CRB1: variants seen among roughly 807,000 people sequenced by gnomAD.
The protein encoded by CRB1 is protein crumbs homolog 1.
A neutral mutation model predicts 120.0 loss-of-function variants in CRB1; 83 were observed. The observed-to-expected ratio is 0.69, with a 90% CI of 0.58 to 0.83. CRB1 has a LOEUF of 0.83. CRB1 is among the 40% of genes least tolerant of loss of function. CRB1 has a pLI of 0.00. For missense variants in CRB1, 1,699 were observed against 1,687.6 expected, an observed-to-expected ratio of 1.01 and a Z score of -0.12; for synonymous variants, 625 against 612.5, an observed-to-expected ratio of 1.02 and a Z score of -0.30.
At chr1:197,263,303 T>A (rs532030342), upstream of CRB1, among the ~76,000 whole-genome samples, 4 of 152,342 alleles carry the variant, frequency 2.6e-5, no homozygotes, top group South Asian at 8.3e-4. Flanking sequence ...TTTTGTTACA[T>A]GTTTGTTGGC....
At chr1:197,410,723 A>G (rs537349296) in intron 5 of CRB1, among the ~76,000 whole-genome samples, 31 of 152,348 alleles carry the variant, frequency 2.0e-4, no homozygotes, top group Non-Finnish European at 4.0e-4. Context: ...CATGCGGCAT[A>G]TTCTTTACTT....
At chr1:197,255,943 T>A in the CRB1 span, among the ~76,000 whole-genome samples, 1 of 123,518 alleles carries the variant, frequency 8.1e-6, no homozygotes, top group Admixed American at 9.0e-5. Flanking sequence ...AATTCAAATG[T>A]TCTATAATAA....
At chr1:197,321,687 A>G (rs1571835480) in intron 1 of CRB1, among the ~76,000 whole-genome samples, 1 of 152,204 alleles carries the variant, frequency 6.6e-6, no homozygotes, top group African/African-American at 2.4e-5. Flanking sequence ...AATTGTAAGG[A>G]CAAGTCTTCA....
At chr1:197,231,886 G>A in the CRB1 span, among the ~76,000 whole-genome samples, 1,208 of 152,168 alleles carry the variant, frequency 7.9e-3, 11 homozygotes, top group African/African-American at 0.024. Context: ...ACCCCACCTC[G>A]ACCAAAGATG....
rs190725514 is a variant in CRB1 at position 197,416,675 on chromosome 1, T to G, written c.1172-4325T>G. On this transcript the variant is annotated intron_variant, in intron 5 of 11. Coordinates refer to ENST00000367400, the MANE Select transcript of CRB1 (RefSeq NM_201253.3). ...ATACAGATAACAGACTTTAGGTTTT[T>G]GAAAGGTTTATACTTTTTTATTTTT... 2.3e-3 allele frequency among the ~76,000 whole-genome samples: 356 copies of G among 152,290 alleles called. 2 individuals carry two copies. Among genetic ancestry groups the G allele is most frequent in the African/African-American group, 8.2e-3 (341 of 41,580 alleles).
the CRB1 span, among the ~76,000 whole-genome samples, chr1:197,239,277 T>C: frequency 6.6e-6 from 1 of 152,158 alleles, no homozygotes. Flanking sequence ...GAATATTTTG[T>C]CTAATATTTG....
chr1:197,275,953 A>G (rs527246439), intron 1 of CRB1, among the ~76,000 whole-genome samples: 1 of 151,964 alleles, frequency 6.6e-6, no homozygotes, highest in East Asian at 1.9e-4. Context: ...GAAAGGAAGA[A>G]GGTACTCAGT....
At chr1:197,381,702 T>C (rs1416391802) in intron 5 of CRB1, among the ~76,000 whole-genome samples, 1 of 152,190 alleles carries the variant, frequency 6.6e-6, no homozygotes, top group African/African-American at 2.4e-5. Flanking sequence ...GCATAACTCA[T>C]TGCAATAGTA....
chr1:197,221,072 C>T, the CRB1 span, among the ~76,000 whole-genome samples: 126 of 152,238 alleles, frequency 8.3e-4, 1 homozygote, highest in South Asian at 2.3e-3. Flanking sequence ...TAGTCACAGA[C>T]TACGATACTT....
chr1:197,334,504 C>A (rs1659040312), intron 2 of CRB1, among the ~76,000 whole-genome samples: 1 of 152,082 alleles, frequency 6.6e-6, no homozygotes. Flanking sequence ...GTGGGTTCAC[C>A]CCCTTCCACT....
chr1:197,305,042 CCTTTTGCAT>C (rs1038934784), intron 1 of CRB1, among the ~76,000 whole-genome samples: 1 of 152,152 alleles, frequency 6.6e-6, no homozygotes, highest in Admixed American at 6.5e-5. Context: ...TCCAGGGATG[CCTTTTGCAT>C]CTTATTCTCA....
At chr1:197,202,090 A>AAT in the CRB1 span, among the ~76,000 whole-genome samples, 5 of 152,224 alleles carry the variant, frequency 3.3e-5, no homozygotes, top group Admixed American at 1.3e-4. Flanking sequence ...AGGCATAAGG[A>AAT]ATATAAGATG....
At chr1:197,320,672 G>A (rs957049926) in intron 1 of CRB1, among the ~76,000 whole-genome samples, 2 of 152,056 alleles carry the variant, frequency 1.3e-5, no homozygotes, top group Non-Finnish European at 2.9e-5. Context: ...GATCAAGTTT[G>A]GTTGACTTTA....
At chr1:197,346,427 T>C (rs1659779087) in intron 3 of CRB1, among the ~76,000 whole-genome samples, 1 of 152,166 alleles carries the variant, frequency 6.6e-6, no homozygotes, top group African/African-American at 2.4e-5. Flanking sequence ...TATACTAGAT[T>C]TTTAGTAGGT....
intron 2 of CRB1, among the ~76,000 whole-genome samples, chr1:197,332,238 C>T (rs1223152562): frequency 6.6e-6 from 1 of 152,118 alleles, no homozygotes; most frequent in East Asian, 1.9e-4. Flanking sequence ...TAAGGCACTT[C>T]ACCTTACAAT....
chr1:197,203,217 G>A, the CRB1 span, among the ~76,000 whole-genome samples: 1 of 152,002 alleles, frequency 6.6e-6, no homozygotes, highest in African/African-American at 2.4e-5. Context: ...ATAAATAGAA[G>A]CTACTGAAAA....
chr1:197,336,066 T>A (rs1367190023), intron 2 of CRB1, among the ~76,000 whole-genome samples: 1 of 152,260 alleles, frequency 6.6e-6, no homozygotes, highest in African/African-American at 2.4e-5. Flanking sequence ...CTGCAACATA[T>A]TTTACCTCCC....
At chr1:197,291,368 A>G (rs1272685385) in intron 1 of CRB1, among the ~76,000 whole-genome samples, 1 of 151,784 alleles carries the variant, frequency 6.6e-6, no homozygotes, top group Non-Finnish European at 1.5e-5. Context: ...TTAGCTTTTA[A>G]TTACATTGGG....
intron 5 of CRB1, among the ~76,000 whole-genome samples, chr1:197,402,341 G>C (rs1663107806): frequency 6.6e-6 from 1 of 152,150 alleles, no homozygotes. Context: ...AGTTTCCTAA[G>C]GACAATGGCC....
Sources: allele counts gnomAD v4.1 joint callset (sites outside exome capture counted in the v4.1 genomes callset), GRCh38; gene constraint gnomAD v4.1.1; transcripts MANE v1.5; gene names NCBI Gene and HGNC (gene_info 2026-07-23, HGNC 2026-07-21).